Variants in NCKAP5 observed in about 807,000 individuals in gnomAD.
The protein encoded by NCKAP5 is NCK associated protein 5.
Under a neutral mutation model 167.0 loss-of-function variants are expected in NCKAP5, and 92 were observed. The ratio of observed to expected loss-of-function variants is 0.55; its 90% CI spans 0.47 to 0.66. NCKAP5 has a LOEUF of 0.66. Ranked by LOEUF, NCKAP5 falls within the 30% of genes least tolerant of loss-of-function variation. NCKAP5 has a pLI of 0.00. For synonymous variants in NCKAP5, 891 were observed against 877.4 expected, an observed-to-expected ratio of 1.02 and a Z score of -0.27; for missense variants, 2,378 against 2,315.0, an observed-to-expected ratio of 1.03 and a Z score of -0.56.
intron 16 of NCKAP5, among the ~76,000 whole-genome samples, chr2:132,740,480 G>T (rs1303743617): frequency 2.0e-5 from 3 of 152,102 alleles, no homozygotes; most frequent in Non-Finnish European, 2.9e-5. Context: ...TGTTGCCAAA[G>T]CCACATCAAT....
chr2:133,278,569 C>T (rs1312465385), intron 4 of NCKAP5, among the ~76,000 whole-genome samples: 1 of 152,128 alleles, frequency 6.6e-6, no homozygotes, highest in Non-Finnish European at 1.5e-5. Flanking sequence ...ATCTGCAAGT[C>T]CTTTTTGCCA....
chr2:133,305,902 C>T (rs57460136), intron 3 of NCKAP5, among the ~76,000 whole-genome samples: 1 of 152,148 alleles, frequency 6.6e-6, no homozygotes, highest in Non-Finnish European at 1.5e-5. Flanking sequence ...CTCAATATAA[C>T]GCTAACAAAA....
rs1686692939 is a variant in NCKAP5, at chr2:133,383,575, T to G, written c.70-80465A>C. 2.6e-5 allele frequency among the ~76,000 whole-genome samples: 4 copies of G among 152,340 alleles called. No homozygotes were observed. In the South Asian group the frequency reaches 8.3e-4, roughly 32 times the overall value. ...CATGATTTATATTCCTTTGGTTATA[T>G]ACCCAGTAATGGGATGGCTGGGTCA... is the stretch of plus-strand genomic sequence containing the variant. On this transcript the variant is annotated intron_variant, in intron 3 of 19. Transcript: ENST00000409261.
At chr2:133,313,657 T>G (rs2150628072) in intron 3 of NCKAP5, among the ~76,000 whole-genome samples, 1 of 152,238 alleles carries the variant, frequency 6.6e-6, no homozygotes, top group South Asian at 2.1e-4. Flanking sequence ...TTGTTTTTTT[T>G]TTCTGAGGTA....
intron 6 of NCKAP5, among the ~76,000 whole-genome samples, chr2:133,025,426 C>A (rs1379655910): frequency 1.3e-5 from 2 of 152,212 alleles, no homozygotes; most frequent in African/African-American, 4.8e-5. Context: ...TGAAAGTTAG[C>A]TCACTGATGG....
intron 3 of NCKAP5, among the ~76,000 whole-genome samples, chr2:133,431,997 AC>A (rs1377449609): frequency 6.6e-6 from 1 of 152,180 alleles, no homozygotes; most frequent in African/African-American, 2.4e-5. Flanking sequence ...TGAAATAGAC[AC>A]ATTCACCAAA....
intron 3 of NCKAP5, among the ~76,000 whole-genome samples, chr2:133,389,062 A>C (rs1687213112): frequency 1.3e-5 from 2 of 152,176 alleles, no homozygotes; most frequent in Admixed American, 6.5e-5. Flanking sequence ...CTGTCCGACA[A>C]GCCCCAGTGA....
intron 6 of NCKAP5, among the ~76,000 whole-genome samples, chr2:133,046,595 T>A (rs2079409141): frequency 6.6e-6 from 1 of 152,046 alleles, no homozygotes; most frequent in Non-Finnish European, 1.5e-5. Flanking sequence ...CCCAGGTTGG[T>A]CTCAAAATCC....
Position 133,084,137 on chromosome 2 carries a change from C to T in NCKAP5, c.341+45841G>A, listed in dbSNP as rs367927981. ...TGAAAGAACACAGTGTTTTGGAGAA[C>T]TCACACATTATCCAGGGTGGCTGGA... On this transcript the variant is annotated intron_variant, in intron 6 of 19. Transcript: ENST00000409261. Among the ~76,000 whole-genome samples, 20 of 152,182 alleles carry T rather than the reference C, an allele frequency of 1.3e-4. 1 individual carries two copies. In the East Asian group the frequency reaches 1.5e-3, roughly 12 times the overall value.
At chr2:133,397,119 C>A (rs930042423) in intron 3 of NCKAP5, among the ~76,000 whole-genome samples, 13 of 152,182 alleles carry the variant, frequency 8.5e-5, no homozygotes, top group Non-Finnish European at 1.6e-4. Context: ...AACTTGTTTG[C>A]CTATTCCAAA....
chr2:133,294,262 T>C (rs765855491), intron 4 of NCKAP5, among the ~76,000 whole-genome samples: 3 of 152,178 alleles, frequency 2.0e-5, no homozygotes, highest in African/African-American at 4.8e-5. Context: ...AGGTCTATGA[T>C]TACAGTGAAG....
rs554551395 is a variant in NCKAP5 at position 133,452,473 on chromosome 2, A to G, written c.69+64985T>C. On this transcript the variant is annotated intron_variant, in intron 3 of 19. Coordinates refer to ENST00000409261, the MANE Select transcript of NCKAP5 (RefSeq NM_207363.3). ...TTAGACCTATGGCTGATAATATGTA[A>G]TGGAGAAATTGTCCCCAAATCTCAC... 3.9e-5 allele frequency among the ~76,000 whole-genome samples: 6 copies of G among 152,302 alleles called. No individual in the cohort carries two copies. In the East Asian group the frequency reaches 1.2e-3, roughly 29 times the overall value.
chr2:133,647,356 A>AAAGGAAAGAAAGGAAGG, the NCKAP5 span, among the ~76,000 whole-genome samples: 2 of 121,730 alleles, frequency 1.6e-5, no homozygotes, highest in African/African-American at 7.7e-5. Context: ...GAAAGGAAAG[A>AAAGGAAAGAAAGGAAGG]AAGGAAGGAA....
intron 4 of NCKAP5, among the ~76,000 whole-genome samples, chr2:133,250,421 G>A (rs562268001): frequency 2.0e-5 from 3 of 152,160 alleles, no homozygotes; most frequent in Admixed American, 6.5e-5. Flanking sequence ...CAGCATGCAG[G>A]TGTGGTTCCT....
intron 15 of NCKAP5, among the ~76,000 whole-genome samples, chr2:132,774,850 T>C (rs1424866424): frequency 3.9e-5 from 6 of 152,220 alleles, no homozygotes; most frequent in African/African-American, 1.4e-4. Context: ...ATTTTAGAGA[T>C]GAAGACCCAT....
At chr2:132,695,430 T>C (rs889800366) in intron 19 of NCKAP5, among the ~76,000 whole-genome samples, 14 of 152,206 alleles carry the variant, frequency 9.2e-5, no homozygotes, top group African/African-American at 3.4e-4. Flanking sequence ...TCAGAGCCCA[T>C]GCTGTCCTTA....
the NCKAP5 span, among the ~76,000 whole-genome samples, chr2:133,601,072 C>G: frequency 6.6e-6 from 1 of 152,196 alleles, no homozygotes; most frequent in Non-Finnish European, 1.5e-5. Context: ...GTCTTTACGG[C>G]GCCTTGTCCT....
intron 8 of NCKAP5, among the ~76,000 whole-genome samples, chr2:132,895,133 C>CA (rs1574549158): frequency 6.6e-6 from 1 of 152,006 alleles, no homozygotes; most frequent in East Asian, 1.9e-4. Flanking sequence ...AGATGGAGAC[C>CA]TTCCTGGCTA....
At chr2:133,545,304 A>G (rs1474957784) in intron 2 of NCKAP5, among the ~76,000 whole-genome samples, 1 of 152,106 alleles carries the variant, frequency 6.6e-6, no homozygotes, top group Admixed American at 6.5e-5. Flanking sequence ...AGATGCAGAA[A>G]CAGCCAAGTT....
Sources: allele counts gnomAD v4.1 joint callset (sites outside exome capture counted in the v4.1 genomes callset), GRCh38; gene constraint gnomAD v4.1.1; transcripts MANE v1.5; gene names NCBI Gene and HGNC (gene_info 2026-07-23, HGNC 2026-07-21).